The following PHF24 variants were observed in gnomAD, a reference collection of about 807,000 sequenced individuals.
PHF24 encodes Galpha inhibitory interacting protein.
A neutral mutation model predicts 42.6 loss-of-function variants in PHF24; 25 were observed. The ratio of observed to expected loss-of-function variants is 0.59; its 90% CI spans 0.43 to 0.82. PHF24 has a LOEUF of 0.82. Among genes scored for constraint, PHF24 ranks in the 40% least tolerant of loss-of-function variants. PHF24 has a pLI of 0.00. For synonymous variants in PHF24, 185 were observed against 204.8 expected (o/e 0.90, Z 0.83); for missense variants, 470 against 538.1 (o/e 0.87, Z 1.25).
the PHF24 span, among the ~76,000 whole-genome samples, chr9:34,808,727 A>G: frequency 0.32 from 48,167 of 151,624 alleles, 8,210 homozygotes; most frequent in East Asian, 0.56. Context: ...CAAGAGAGTA[A>G]CTGACTCCTG....
chr9:34,886,227 A>G, the PHF24 span, among the ~76,000 whole-genome samples: 2 of 143,984 alleles, frequency 1.4e-5, no homozygotes, highest in African/African-American at 2.6e-5. Flanking sequence ...TCACCATCCA[A>G]CCATCCAACA....
chr9:34,896,690 A>AT, the PHF24 span, among the ~76,000 whole-genome samples: 1 of 151,484 alleles, frequency 6.6e-6, no homozygotes. Context: ...GCAGAGCAGG[A>AT]TTTTTCCTCA....
chr9:34,875,938 A>ACTCTCTCTCT, the PHF24 span, among the ~76,000 whole-genome samples: 47 of 88,506 alleles, frequency 5.3e-4, no homozygotes, highest in South Asian at 7.7e-4. Flanking sequence ...ACACACACAC[A>ACTCTCTCTCT]CACACACACA....
the PHF24 span, among the ~76,000 whole-genome samples, chr9:34,858,513 G>C: frequency 6.6e-6 from 1 of 152,164 alleles, no homozygotes; most frequent in African/African-American, 2.4e-5. Context: ...GGATCTGCTG[G>C]AGCATGTGGC....
the PHF24 span, among the ~76,000 whole-genome samples, chr9:34,921,736 G>C: frequency 2.2e-4 from 33 of 152,162 alleles, no homozygotes; most frequent in African/African-American, 8.0e-4. Context: ...TGGGATATCT[G>C]TTTCTACCAC....
At chr9:34,715,040 G>GT in the PHF24 span, among the ~76,000 whole-genome samples, 1 of 152,060 alleles carries the variant, frequency 6.6e-6, no homozygotes, top group Non-Finnish European at 1.5e-5. Context: ...TCAGGGAGAT[G>GT]TTACATCCTG....
the PHF24 span, among the ~76,000 whole-genome samples, chr9:34,774,197 G>A: frequency 1.3e-5 from 2 of 152,104 alleles, no homozygotes; most frequent in Non-Finnish European, 2.9e-5. Flanking sequence ...TGATTTCTTG[G>A]CTATGACACC....
the PHF24 span, among the ~76,000 whole-genome samples, chr9:34,716,695 T>C: frequency 6.6e-6 from 1 of 152,206 alleles, no homozygotes; most frequent in Non-Finnish European, 1.5e-5. Context: ...ACTCAAGCTA[T>C]TCTCCAGCCT....
the PHF24 span, chr9:34,724,374 G>A: frequency 6.5e-7 from 1 of 1,550,366 alleles, no homozygotes; most frequent in Non-Finnish European, 8.7e-7. Context: ...ACCCCTTCTG[G>A]ATTAGGGGCA....
chr9:34,805,347 T>A, the PHF24 span, among the ~76,000 whole-genome samples: 2 of 152,236 alleles, frequency 1.3e-5, no homozygotes, highest in Non-Finnish European at 1.5e-5. Flanking sequence ...GTTCTATTTC[T>A]CCAAATCCTC....
the PHF24 span, chr9:34,892,824 C>G: frequency 2.9e-6 from 2 of 682,074 alleles, no homozygotes; most frequent in Non-Finnish European, 5.3e-6. Context: ...GAATCTTGGA[C>G]GCTGTCTGCA....
the PHF24 span, chr9:34,691,038 A>G: frequency 1.4e-6 from 2 of 1,465,512 alleles, no homozygotes; most frequent in Admixed American, 3.9e-5. Context: ...TCTAGACATT[A>G]CCCACTGCCA....
chr9:34,779,991 G>A, the PHF24 span, among the ~76,000 whole-genome samples: 10 of 152,066 alleles, frequency 6.6e-5, no homozygotes, highest in African/African-American at 1.7e-4. Flanking sequence ...CTCCCAAAGT[G>A]CTGAGATTAC....
the PHF24 span, among the ~76,000 whole-genome samples, chr9:34,810,397 G>T: frequency 6.6e-6 from 1 of 152,172 alleles, no homozygotes; most frequent in Non-Finnish European, 1.5e-5. Flanking sequence ...GTGCTCTCTG[G>T]ATTTGCTGCC....
the PHF24 span, among the ~76,000 whole-genome samples, chr9:34,915,138 T>G: frequency 6.8e-6 from 1 of 146,626 alleles, no homozygotes; most frequent in Non-Finnish European, 1.5e-5. Context: ...GCTCAAGCTA[T>G]CCTCCTGCCT....
At chr9:34,857,356 C>A in the PHF24 span, among the ~76,000 whole-genome samples, 1 of 152,226 alleles carries the variant, frequency 6.6e-6, no homozygotes, top group Non-Finnish European at 1.5e-5. Flanking sequence ...GTATGCAAAA[C>A]TCCTGGGTCT....
the PHF24 span, among the ~76,000 whole-genome samples, chr9:34,821,703 A>G: frequency 0.29 from 43,466 of 152,042 alleles, 6,944 homozygotes; most frequent in East Asian, 0.56. Flanking sequence ...AAGATCAGTG[A>G]CAGCAGAACT....
chr9:34,817,386 A>G, the PHF24 span, among the ~76,000 whole-genome samples: 1 of 152,116 alleles, frequency 6.6e-6, no homozygotes, highest in Non-Finnish European at 1.5e-5. Flanking sequence ...CTGGGACTAC[A>G]GGTGCACATC....
At chr9:34,730,145 G>A in the PHF24 span, among the ~76,000 whole-genome samples, 2 of 152,226 alleles carry the variant, frequency 1.3e-5, no homozygotes, top group Non-Finnish European at 2.9e-5. Context: ...GCTTCTGACT[G>A]TGGGTCACAA....
Sources: gnomAD v4.1 joint callset for allele counts (sites outside exome capture counted in the v4.1 genomes callset) on GRCh38, gnomAD v4.1.1 for gene constraint, MANE v1.5 for transcripts, NCBI Gene and HGNC (gene_info 2026-07-23, HGNC 2026-07-21) for gene names.